The following KIF16B variants were observed in gnomAD, a reference collection of about 807,000 sequenced individuals.
KIF16B encodes the protein kinesin family member 16B.
KIF16B carries 98 observed loss-of-function variants against 156.3 expected under a neutral mutation model. The observed-to-expected ratio is 0.63, with a 90% CI of 0.53 to 0.74. The LOEUF (loss-of-function observed/expected upper bound fraction) is 0.74, where lower values mean the gene tolerates loss of function less well. Ranked by LOEUF, KIF16B falls within the 30% of genes least tolerant of loss-of-function variation. The probability of loss-of-function intolerance (pLI) is 0.00; values close to 1 mark genes in which losing one functional copy is unlikely to be tolerated. For synonymous variants in KIF16B, 564 were observed against 583.7 expected, an observed-to-expected ratio of 0.97 and a Z score of 0.49; for missense variants, 1,421 against 1,606.5, an observed-to-expected ratio of 0.88 and a Z score of 1.97.
chr20:16,508,133 C>T (rs769000373), intron 6 of KIF16B, 33 bp from the exon 7 acceptor site: 2 of 1,606,100 alleles, frequency 1.2e-6, no homozygotes, highest in Non-Finnish European at 8.5e-7. Flanking sequence ...TGAAGAAATC[C>T]CCCTAATATA....
chr20:16,496,443 TAATTTAAG>T (rs1226313634), intron 11 of KIF16B, among the ~76,000 whole-genome samples: 1 of 152,214 alleles, frequency 6.6e-6, no homozygotes, highest in East Asian at 1.9e-4. Flanking sequence ...TTTAAAACAT[TAATTTAAG>T]AATGCAAACA....
At chr20:16,553,539 A>G (rs534909852) in intron 1 of KIF16B, among the ~76,000 whole-genome samples, 1 of 152,302 alleles carries the variant, frequency 6.6e-6, no homozygotes, top group South Asian at 2.1e-4. Flanking sequence ...TTCACCAGCT[A>G]AGCCTATTTG....
chr20:16,437,743 T>C (rs1214540729), intron 12 of KIF16B, among the ~76,000 whole-genome samples: 1 of 152,020 alleles, frequency 6.6e-6, no homozygotes, highest in East Asian at 1.9e-4. Flanking sequence ...GGGAACTCAG[T>C]AAGGAGGTAT....
At chr20:16,509,571 C>CTAA (rs2068893965) in intron 6 of KIF16B, among the ~76,000 whole-genome samples, 1 of 152,146 alleles carries the variant, frequency 6.6e-6, no homozygotes, top group Non-Finnish European at 1.5e-5. Context: ...GAGTGAAATG[C>CTAA]TAAGCATTCC....
At chr20:16,473,010 G>T (rs1269159232) in intron 12 of KIF16B, among the ~76,000 whole-genome samples, 1 of 152,102 alleles carries the variant, frequency 6.6e-6, no homozygotes, top group East Asian at 1.9e-4. Flanking sequence ...TCTAAGACAG[G>T]TTTTTTTAGC....
intron 12 of KIF16B, among the ~76,000 whole-genome samples, chr20:16,443,568 T>C (rs1012477013): frequency 1.3e-5 from 2 of 152,206 alleles, no homozygotes; most frequent in Admixed American, 6.6e-5. Context: ...GGCCTGGATA[T>C]AAATGTGTAT....
At chr20:16,526,237 A>G in intron 2 of KIF16B, 32 bp from the exon 3 acceptor site, 1 of 1,296,534 alleles carries the variant, frequency 7.7e-7, no homozygotes, top group Non-Finnish European at 1.1e-6. Flanking sequence ...AATAATGATA[A>G]TGTAAAGAGC....
chr20:16,467,809 T>A (rs4814503), intron 12 of KIF16B, among the ~76,000 whole-genome samples: 64,895 of 151,806 alleles, frequency 0.43, 13,846 homozygotes, highest in South Asian at 0.45. Context: ...GGAAAAGGAA[T>A]AAGTGAAGAT....
At chr20:16,367,054 C>T (rs372794388) in intron 22 of KIF16B, 80 of 1,421,388 alleles carry the variant, frequency 5.6e-5, no homozygotes, top group African/African-American at 5.4e-4. Flanking sequence ...ATTAGCTACA[C>T]GGAGATATTC....
chr20:16,498,087 A>C (rs1032425797), intron 10 of KIF16B, among the ~76,000 whole-genome samples: 1 of 152,172 alleles, frequency 6.6e-6, no homozygotes, highest in African/African-American at 2.4e-5. Context: ...GATACATGAA[A>C]ATGAAACGCA....
chr20:16,559,989 A>G (rs2147352186), intron 1 of KIF16B, among the ~76,000 whole-genome samples: 1 of 152,328 alleles, frequency 6.6e-6, no homozygotes, highest in South Asian at 2.1e-4. Flanking sequence ...ATAGAAGAAA[A>G]GAACATTCAA....
chr20:16,520,798 G>T (rs1024745421), intron 3 of KIF16B, among the ~76,000 whole-genome samples: 2 of 152,130 alleles, frequency 1.3e-5, no homozygotes, highest in African/African-American at 4.8e-5. Flanking sequence ...GGCATCTGGT[G>T]GGTGCCCCTC....
At chr20:16,502,703 G>A (rs1052890417) in intron 10 of KIF16B, among the ~76,000 whole-genome samples, 1 of 152,024 alleles carries the variant, frequency 6.6e-6, no homozygotes, top group Non-Finnish European at 1.5e-5. Context: ...ATAAATTAAA[G>A]GTTTTTAATC....
chr20:16,457,455 A>G (rs537302740), intron 12 of KIF16B, among the ~76,000 whole-genome samples: 10 of 152,322 alleles, frequency 6.6e-5, no homozygotes, highest in Admixed American at 4.6e-4. Context: ...TTATGTTTTG[A>G]TGTCAACTCA....
intron 10 of KIF16B, among the ~76,000 whole-genome samples, chr20:16,500,242 A>G (rs1348353555): frequency 2.0e-5 from 3 of 152,208 alleles, no homozygotes; most frequent in African/African-American, 7.2e-5. Context: ...TTGTATTTCA[A>G]TGACATTGAA....
intron 24 of KIF16B, among the ~76,000 whole-genome samples, chr20:16,335,448 C>T (rs2064018982): frequency 6.6e-6 from 1 of 152,168 alleles, no homozygotes; most frequent in African/African-American, 2.4e-5. Context: ...TTTCTATCTA[C>T]CTTTCCCTCT....
At chr20:16,453,014 C>G (rs1248902483) in intron 12 of KIF16B, among the ~76,000 whole-genome samples, 1 of 151,148 alleles carries the variant, frequency 6.6e-6, no homozygotes, top group Non-Finnish European at 1.5e-5. Flanking sequence ...CCATACTTTA[C>G]ATATTTCACA....
chr20:16,387,481 G>C (rs2065256502), intron 17 of KIF16B, among the ~76,000 whole-genome samples: 1 of 152,118 alleles, frequency 6.6e-6, no homozygotes, highest in Non-Finnish European at 1.5e-5. Flanking sequence ...GGACTTAATT[G>C]GATAGGGAAG....
intron 12 of KIF16B, among the ~76,000 whole-genome samples, chr20:16,473,676 G>C (rs145247681): frequency 1.3e-5 from 2 of 151,888 alleles, no homozygotes; most frequent in Non-Finnish European, 1.5e-5. Context: ...TGCAGACCTC[G>C]GATTCTCCCA....
Sources: gnomAD v4.1 joint callset for allele counts (sites outside exome capture counted in the v4.1 genomes callset) on GRCh38, gnomAD v4.1.1 for gene constraint, MANE v1.5 for transcripts, NCBI Gene and HGNC (gene_info 2026-07-23, HGNC 2026-07-21) for gene names.